EBF3: variants seen among roughly 807,000 people sequenced by gnomAD.
The protein encoded by EBF3 is EBF transcription factor 3, also known as transcription factor COE3.
EBF3 carries 18 observed loss-of-function variants against 77.1 expected under a neutral mutation model. That is an observed-to-expected ratio of 0.23 (90% CI 0.16 to 0.35). The LOEUF (loss-of-function observed/expected upper bound fraction) is 0.35. Ranked by LOEUF, EBF3 falls within the 10% of genes least tolerant of loss-of-function variation. The probability of loss-of-function intolerance (pLI) is 1.00; values close to 1 mark genes in which losing one functional copy is unlikely to be tolerated. For synonymous variants in EBF3, 350 were observed against 343.5 expected (o/e 1.02, Z -0.21); for missense variants, 558 against 860.0 (o/e 0.65, Z 4.39).
chr10:129,861,764 G>A lies in EBF3; in HGVS notation c.1039+5377C>T, dbSNP rs1041982740. Among the ~76,000 whole-genome samples the A allele has an allele frequency of 2.6e-5, 4 of 152,224 alleles. No individual in the cohort carries two copies. Among genetic ancestry groups the A allele is most frequent in the African/African-American group, 9.6e-5 (4 of 41,458 alleles). ...CCAAACTCCAGGACCCATGAGGAAA[G>A]CATGTGGTTTACATGGAAGGAAGGC... is the stretch of plus-strand genomic sequence containing the variant. On this transcript the variant is annotated intron_variant, in intron 10 of 16. Coordinates refer to ENST00000440978, the MANE Select transcript of EBF3 (RefSeq NM_001375380.1). This position sits in a 1 kb window ranked among gnomAD's most constrained non-coding sequence, Gnocchi z 4.3.
intron 7 of EBF3, among the ~76,000 whole-genome samples, chr10:129,875,871 G>A (rs1852740014): frequency 6.6e-6 from 1 of 152,188 alleles, no homozygotes; most frequent in African/African-American, 2.4e-5. Flanking sequence ...CCCCCCTTGT[G>A]TTCTACCTCC....
At chr10:129,962,428 G>A (rs926552904) in intron 3 of EBF3, among the ~76,000 whole-genome samples, 1 of 151,866 alleles carries the variant, frequency 6.6e-6, no homozygotes, top group African/African-American at 2.4e-5. Flanking sequence ...AGAACCTTAA[G>A]GCTCTTAGGG....
In EBF3 at chr10:129,843,172, C is replaced by T. The variant is rs1341015526; in HGVS notation, c.1159G>A (p.Val387Met). Residue 387 changes from valine (V) to methionine (M), a missense_variant, in exon 12 of 17, where the codon GTG (valine) becomes ATG (methionine). By Grantham distance (21) the Val-to-Met change is conservative. Around this residue, in one of 5 missense-constraint regions of EBF3, gnomAD observed 284 missense variants for 368.3 expected, o/e 0.77. Transcript: ENST00000440978. ...TGAGGCATTCCGTATAAGGCTTCCACCAGGTCCGCCGCCCGCTTCAGTAAC... is the reference window on the plus strand; with the variant it reads ...TGAGGCATTCCGTATAAGGCTTCCATCAGGTCCGCCGCCCGCTTCAGTAAC... ...EVLLKRAADL[V>M]EALYGMPHNN... 1 of 1,613,540 alleles carries T rather than the reference C, an allele frequency of 6.2e-7. No individual in the cohort carries two copies. Among genetic ancestry groups the T allele is most frequent in the Non-Finnish European group, 8.5e-7 (1 of 1,179,742 alleles).
intron 6 of EBF3, among the ~76,000 whole-genome samples, chr10:129,950,420 G>C (rs1453861360): frequency 6.6e-6 from 1 of 152,170 alleles, no homozygotes; most frequent in African/African-American, 2.4e-5. Flanking sequence ...AAGGGGAAAT[G>C]AGTGATTCAA....
rs187920423 is a variant in EBF3 at position 129,939,514 on chromosome 10, T to C, written c.554+17744A>G. Among the ~76,000 whole-genome samples the C allele has an allele frequency of 7.2e-4, 109 of 152,334 alleles. 2 individuals carry two copies. The highest frequency in any genetic ancestry group is 2.5e-3 in the African/African-American group (105 of 41,586). On this transcript the variant is annotated intron_variant, in intron 6 of 16. Coordinates refer to ENST00000440978, the MANE Select transcript of EBF3 (RefSeq NM_001375380.1). ...CATTTAAAGACTTGGGGTTTTTGTT[T>C]TTGTTTTTTGTTTTGGTTCTGTTTT... is the stretch of plus-strand genomic sequence containing the variant.
intron 6 of EBF3, among the ~76,000 whole-genome samples, chr10:129,922,506 G>A (rs1207441493): frequency 2.6e-5 from 4 of 152,244 alleles, no homozygotes; most frequent in Admixed American, 2.6e-4. Flanking sequence ...ATAGCCCCTG[G>A]AGGGCAGGTC....
intron 3 of EBF3, among the ~76,000 whole-genome samples, chr10:129,962,433 T>G (rs1386255015): frequency 6.6e-6 from 1 of 152,114 alleles, no homozygotes; most frequent in Non-Finnish European, 1.5e-5. Flanking sequence ...CTTAAGGCTC[T>G]TAGGGCTTGC....
intron 6 of EBF3, among the ~76,000 whole-genome samples, chr10:129,883,124 T>G (rs1412523506): frequency 1.3e-5 from 2 of 152,186 alleles, no homozygotes; most frequent in Admixed American, 1.3e-4. Context: ...GATTTTTTCT[T>G]TAATCATCAA....
chr10:129,837,667 C>G lies in EBF3; in HGVS notation c.*276G>C. 1.4e-5 allele frequency: 6 copies of G among 416,124 alleles called. No homozygotes were observed. The highest frequency in any genetic ancestry group is 8.5e-6 in the Non-Finnish European group (2 of 234,742). 25.8% of individuals were successfully genotyped at this position (416,124 alleles called of 1,614,324 possible). ...TACAAAATAGGCGTCGCTTTGTTTT[C>G]CTTATTCTTCAGGACTGAGAAATGT... On this transcript the variant is annotated 3_prime_UTR_variant, in exon 17 of 17. Transcript: ENST00000440978.
At position 129,867,201 on chromosome 10, in the gene EBF3, T is replaced by C. The variant is rs1418193086; in HGVS notation, c.979A>G (p.Thr327Ala). 6.2e-7 allele frequency: 1 copy of C among 1,613,920 alleles called. No individual in the cohort carries two copies. Among genetic ancestry groups the C allele is most frequent in the African/African-American group, 1.3e-5 (1 of 74,982 alleles). ...AACTGCTTGGATTTGTAGGAGAGGG[T>C]CACTTCGACGACGCCAGGAATGTGC... is the stretch of plus-strand genomic sequence containing the variant. ...PRHIPGVVEV[T>A]LSYKSKQFCK... is the part of the protein sequence containing the mutation. The change falls in exon 10 of 17, where the codon ACC becomes GCC. Residue 327 changes from threonine (T) to alanine (A), a missense_variant. Around this residue, in one of 5 missense-constraint regions of EBF3, gnomAD observed 112 missense variants for 207.7 expected, o/e 0.54. Coordinates refer to ENST00000440978, the MANE Select transcript of EBF3 (RefSeq NM_001375380.1).
At chr10:129,901,246 T>C (rs909300553) in intron 6 of EBF3, among the ~76,000 whole-genome samples, 2 of 152,206 alleles carry the variant, frequency 1.3e-5, no homozygotes, top group African/African-American at 4.8e-5. Context: ...TCTGGCAATG[T>C]CATAATTATG....
At chr10:129,909,954 G>A (rs1416630509) in intron 6 of EBF3, among the ~76,000 whole-genome samples, 1 of 152,248 alleles carries the variant, frequency 6.6e-6, no homozygotes, top group Non-Finnish European at 1.5e-5. Flanking sequence ...ATTCAGGCAG[G>A]GAGCGTTTAC....
chr10:129,964,032 C>CTTGTTG lies in EBF3; in HGVS notation c.-270_-265dup. 2 of 984,938 alleles carry CTTGTTG rather than the reference C, an allele frequency of 2.0e-6. No homozygotes were observed. Among genetic ancestry groups the CTTGTTG allele is most frequent in the Non-Finnish European group, 2.4e-6 (2 of 829,740 alleles). The allele number at this position is 984,938 out of a possible 1,614,324, so 61.0% of individuals were successfully genotyped here. A position where few individuals can be genotyped will look rare whatever the true frequency, so the allele number is the denominator to read the frequency against. On this transcript the variant is annotated 5_prime_UTR_variant, in exon 1 of 17. Coordinates refer to ENST00000440978, the MANE Select transcript of EBF3 (RefSeq NM_001375380.1). This position sits in a 1 kb window ranked among gnomAD's most constrained non-coding sequence, Gnocchi z 4.5. ...GCAGGACGCGGTGGCCGCGGCGGCG[C>CTTGTTG]TTGTTGTTGTTGTTGTTTGCAGGCG...
intron 10 of EBF3, among the ~76,000 whole-genome samples, chr10:129,850,638 AGTTCAC>A (rs1051679344): frequency 1.3e-5 from 2 of 152,162 alleles, no homozygotes; most frequent in African/African-American, 4.8e-5. Context: ...AAGCCCAGTG[AGTTCAC>A]GTTCAAGAAT....
chr10:129,867,889 T>C lies in EBF3; in HGVS notation c.805A>G (p.Ser269Gly). 1 of 1,614,208 alleles carries C rather than the reference T, an allele frequency of 6.2e-7. No individual in the cohort carries two copies. The highest frequency in any genetic ancestry group is 8.5e-7 in the Non-Finnish European group (1 of 1,180,032). The stretch of plus-strand genomic sequence containing the variant: ...CCCGTGGTCCAGCCTTCACTGGGAC[T>C]GATGGCCTTGATGCACGGAGTGGCT... ...ENATPCIKAI[S>G]PSEGWTTGGA... Residue 269 changes from serine to glycine, a missense_variant, in exon 9 of 17, where the codon AGT becomes GGT. Transcript: ENST00000440978.
chr10:129,875,807 G>A (rs1232828974), intron 7 of EBF3, among the ~76,000 whole-genome samples: 1 of 152,156 alleles, frequency 6.6e-6, no homozygotes, highest in African/African-American at 2.4e-5. Flanking sequence ...ACCACGAGTG[G>A]GCCTGGCAGC....
chr10:129,953,209 G>T (rs963113824), intron 6 of EBF3, among the ~76,000 whole-genome samples: 7 of 150,588 alleles, frequency 4.6e-5, no homozygotes, highest in Admixed American at 4.6e-4. Flanking sequence ...GCTGAAATGG[G>T]GGTAGTCAGG....
chr10:129,859,807 G>A (rs919478523), intron 10 of EBF3, among the ~76,000 whole-genome samples: 3 of 152,222 alleles, frequency 2.0e-5, no homozygotes, highest in African/African-American at 7.2e-5. Context: ...ATGTCCAGCC[G>A]TGTAGATTTG....
At chr10:129,852,451 G>T (rs1420034755) in intron 10 of EBF3, among the ~76,000 whole-genome samples, 1 of 152,200 alleles carries the variant, frequency 6.6e-6, no homozygotes, top group Admixed American at 6.5e-5. Flanking sequence ...GCTCCAACCG[G>T]CCTGCTGCAA....
Sources: gnomAD v4.1 joint callset for allele counts (sites outside exome capture counted in the v4.1 genomes callset) on GRCh38, gnomAD v4.1.1 for gene constraint, gnomAD v4.1.1 regional missense constraint, Gnocchi (gnomAD v3.1) non-coding constraint, MANE v1.5 for transcripts, NCBI Gene and HGNC (gene_info 2026-07-23, HGNC 2026-07-21) for gene names.